Variants in DCLK2 observed in about 807,000 individuals in gnomAD.
DCLK2 encodes doublecortin like kinase 2, also known as serine/threonine-protein kinase DCLK2.
A neutral mutation model predicts 78.4 loss-of-function variants in DCLK2; 31 were observed. The ratio of observed to expected loss-of-function variants is 0.40; its 90% CI spans 0.30 to 0.53. The LOEUF is 0.53. Among genes scored for constraint, DCLK2 ranks in the 20% least tolerant of loss-of-function variants. The pLI, the probability that DCLK2 is intolerant of heterozygous loss-of-function variation, is 0.61. For synonymous variants in DCLK2, 407 were observed against 374.9 expected (o/e 1.09, Z -0.99); for missense variants, 872 against 973.7 (o/e 0.90, Z 1.39).
intron 2 of DCLK2, among the ~76,000 whole-genome samples, chr4:150,176,559 G>A (rs771427185): frequency 3.9e-5 from 6 of 152,134 alleles, no homozygotes; most frequent in African/African-American, 7.2e-5. Flanking sequence ...ACATCTTCCC[G>A]GAGAGGGGCT....
chr4:150,181,502 TAGAA>T (rs760332956), intron 2 of DCLK2, among the ~76,000 whole-genome samples: 10 of 152,300 alleles, frequency 6.6e-5, no homozygotes, highest in African/African-American at 2.2e-4. Flanking sequence ...ATCCTATTGA[TAGAA>T]AGAGGCACTT....
chr4:150,211,001 TAAAAC>T (rs1187509905), intron 5 of DCLK2, among the ~76,000 whole-genome samples: 1 of 151,794 alleles, frequency 6.6e-6, no homozygotes, highest in Non-Finnish European at 1.5e-5. Flanking sequence ...TTTAGCAGCT[TAAAAC>T]AAAAGAAGTA....
chr4:150,180,101 T>C (rs1737399225), intron 2 of DCLK2, among the ~76,000 whole-genome samples: 1 of 152,226 alleles, frequency 6.6e-6, no homozygotes, highest in Admixed American at 6.5e-5. Flanking sequence ...TGTTTTTTCA[T>C]AGGTTGTAAA....
intron 5 of DCLK2, 34 bp downstream of exon 5, chr4:150,203,923 T>A (rs367938619): frequency 4.0e-5 from 62 of 1,568,964 alleles, no homozygotes; most frequent in Non-Finnish European, 5.4e-5. Flanking sequence ...ATTTGTGTGA[T>A]TTTGTTATTT....
At chr4:150,226,225 CTTTTTT>C (rs3033026) in intron 8 of DCLK2, among the ~76,000 whole-genome samples, 1 of 142,738 alleles carries the variant, frequency 7.0e-6, no homozygotes, top group African/African-American at 2.5e-5. Context: ...TTGTCATTTA[CTTTTTT>C]TTTTTTTTTT....
intron 2 of DCLK2, among the ~76,000 whole-genome samples, chr4:150,137,724 G>A (rs955701746): frequency 4.6e-5 from 7 of 152,132 alleles, no homozygotes; most frequent in Non-Finnish European, 7.4e-5. Flanking sequence ...TAGGGGTGGG[G>A]ACAAGATTTT....
chr4:150,216,361 C>G (rs6854029), intron 5 of DCLK2, among the ~76,000 whole-genome samples: 148,437 of 152,370 alleles, frequency 0.97, 72,399 homozygotes, highest in African/African-American at 0.99. Context: ...CTCAGCAGCT[C>G]GGTGCAGCGG....
At chr4:150,103,853 T>C (rs1411296809) in intron 2 of DCLK2, among the ~76,000 whole-genome samples, 1 of 149,888 alleles carries the variant, frequency 6.7e-6, no homozygotes, top group African/African-American at 2.4e-5. Flanking sequence ...ACATTTCTAA[T>C]TAATTAATAA....
At chr4:150,184,775 G>A (rs1737794708) in intron 2 of DCLK2, among the ~76,000 whole-genome samples, 1 of 151,880 alleles carries the variant, frequency 6.6e-6, no homozygotes, top group African/African-American at 2.4e-5. Flanking sequence ...CTAATTTTTT[G>A]TATTTTTAGT....
intron 2 of DCLK2, among the ~76,000 whole-genome samples, chr4:150,161,473 C>G (rs1178841324): frequency 6.6e-6 from 1 of 152,010 alleles, no homozygotes; most frequent in Non-Finnish European, 1.5e-5. Flanking sequence ...TCCCAGAGGT[C>G]TAAGATGGTT....
At chr4:150,200,872 G>GC (rs1220161130) in intron 4 of DCLK2, among the ~76,000 whole-genome samples, 3 of 152,242 alleles carry the variant, frequency 2.0e-5, no homozygotes, top group Non-Finnish European at 4.4e-5. Context: ...AGGCTGGAGT[G>GC]CAGTGGTGTG....
intron 2 of DCLK2, among the ~76,000 whole-genome samples, chr4:150,158,964 G>T: frequency 6.6e-6 from 1 of 152,228 alleles, no homozygotes; most frequent in Non-Finnish European, 1.5e-5. Flanking sequence ...CATGAATAGC[G>T]TAGTATTTAG....
chr4:150,184,502 G>C (rs560843144), intron 2 of DCLK2, among the ~76,000 whole-genome samples: 1 of 152,128 alleles, frequency 6.6e-6, no homozygotes, highest in African/African-American at 2.4e-5. Flanking sequence ...ACCAACTCCT[G>C]TGTACTTCTG....
chr4:150,095,201 T>C (rs1311523971), intron 1 of DCLK2, among the ~76,000 whole-genome samples: 7 of 152,172 alleles, frequency 4.6e-5, no homozygotes, highest in African/African-American at 1.7e-4. Flanking sequence ...TGTCAAGAAA[T>C]AGAATATTGC....
chr4:150,249,599 C>T lies in DCLK2; in HGVS notation c.1988C>T (p.Ala663Val). 4 of 1,613,708 alleles carry T rather than the reference C, an allele frequency of 2.5e-6. No homozygotes were observed. Among genetic ancestry groups the T allele is most frequent in the Non-Finnish European group, 3.4e-6 (4 of 1,179,968 alleles). Residue 663 changes from alanine to valine, a missense_variant, in exon 15 of 16, where the codon GCT becomes GTT. By Grantham distance (64) the Ala-to-Val change is moderately conservative. Transcript: ENST00000296550. ...DDASQENNMQAEVTGKLKQHF... is the reference protein window; with the variant it reads ...DDASQENNMQVEVTGKLKQHF... ...GCCTCCCAGGAGAATAACATGCAAG[C>T]TGAGGTGACAGGTAAACTAAAACAG...
chr4:150,248,257 T>A (rs774043613), intron 13 of DCLK2, 48 bp from the exon 14 acceptor site: 1 of 1,524,122 alleles, frequency 6.6e-7, no homozygotes, highest in Admixed American at 1.7e-5. Context: ...ATGCTGGAAT[T>A]ACCTCCTTTC....
intron 2 of DCLK2, among the ~76,000 whole-genome samples, chr4:150,134,609 C>T (rs541612311): frequency 5.3e-5 from 8 of 152,090 alleles, no homozygotes; most frequent in African/African-American, 1.7e-4. Flanking sequence ...GTCTAAGTTG[C>T]TTATATTACT....
intron 5 of DCLK2, among the ~76,000 whole-genome samples, chr4:150,216,467 G>A (rs759787695): frequency 3.9e-5 from 6 of 152,176 alleles, no homozygotes; most frequent in Non-Finnish European, 5.9e-5. Flanking sequence ...GTGAAACCCT[G>A]TCTCTACCAA....
At chr4:150,175,233 A>C (rs1736985447) in intron 2 of DCLK2, among the ~76,000 whole-genome samples, 2 of 137,690 alleles carry the variant, frequency 1.5e-5, no homozygotes, top group East Asian at 4.1e-4. Context: ...ATATATTTAT[A>C]TATATATAAA....
Sources: allele counts gnomAD v4.1 joint callset (sites outside exome capture counted in the v4.1 genomes callset), GRCh38; gene constraint gnomAD v4.1.1; transcripts MANE v1.5; gene names NCBI Gene and HGNC (gene_info 2026-07-23, HGNC 2026-07-21).